PLCE1: variants seen among roughly 807,000 people sequenced by gnomAD.
PLCE1 encodes the protein 1-phosphatidylinositol 4,5-bisphosphate phosphodiesterase epsilon-1.
PLCE1 carries 119 observed loss-of-function variants against 242.8 expected under a neutral mutation model. The observed-to-expected ratio is 0.49, with a 90% confidence interval of 0.42 to 0.57. The LOEUF (loss-of-function observed/expected upper bound fraction) is 0.57. PLCE1 is among the 20% of genes least tolerant of loss of function. The probability of loss-of-function intolerance (pLI) is 0.00; values close to 1 mark genes in which losing one functional copy is unlikely to be tolerated. For missense variants in PLCE1, 2,441 were observed against 2,788.8 expected (o/e 0.88, Z 2.81); for synonymous variants, 945 against 1,017.4 (o/e 0.93, Z 1.35).
At chr10:94,037,740 A>G (rs1474159233) in intron 2 of PLCE1, among the ~76,000 whole-genome samples, 3 of 152,130 alleles carry the variant, frequency 2.0e-5, no homozygotes, top group Admixed American at 6.5e-5. Context: ...GCTTTCCCTT[A>G]TTAGCTGCAT....
intron 2 of PLCE1, among the ~76,000 whole-genome samples, chr10:94,116,449 C>A (rs999607262): frequency 6.6e-6 from 1 of 152,166 alleles, no homozygotes. Flanking sequence ...AATCCCAACA[C>A]TTTGGGAGGC....
chr10:94,132,907 G>C (rs529169883), intron 3 of PLCE1, among the ~76,000 whole-genome samples: 1 of 137,390 alleles, frequency 7.3e-6, no homozygotes, highest in Non-Finnish European at 1.5e-5. Context: ...CCGAGCTCAC[G>C]CCACTGCACT....
chr10:94,006,601 C>T (rs1270272436), intron 1 of PLCE1, among the ~76,000 whole-genome samples: 2 of 152,214 alleles, frequency 1.3e-5, no homozygotes, highest in African/African-American at 4.8e-5. Context: ...AAACATCCAA[C>T]ACTACTTGTT....
At chr10:94,050,212 G>T (rs1313724972) in intron 2 of PLCE1, among the ~76,000 whole-genome samples, 1 of 152,122 alleles carries the variant, frequency 6.6e-6, no homozygotes, top group Admixed American at 6.6e-5. Flanking sequence ...AGGTTTAATT[G>T]ACTCACAGTT....
intron 3 of PLCE1, among the ~76,000 whole-genome samples, chr10:94,139,888 G>A (rs185088343): frequency 6.6e-6 from 1 of 152,250 alleles, no homozygotes; most frequent in East Asian, 1.9e-4. Flanking sequence ...GTTTTAGATT[G>A]GTTCTGTTCT....
At chr10:94,193,144 A>G (rs2048719240) in intron 4 of PLCE1, among the ~76,000 whole-genome samples, 1 of 152,204 alleles carries the variant, frequency 6.6e-6, no homozygotes, top group Non-Finnish European at 1.5e-5. Context: ...ACTCCTGATT[A>G]AGATCTTCCA....
At chr10:94,226,743 A>G (rs527240260) in intron 4 of PLCE1, among the ~76,000 whole-genome samples, 50 of 152,070 alleles carry the variant, frequency 3.3e-4, no homozygotes, top group Non-Finnish European at 5.0e-4. Flanking sequence ...AATTTTTTCA[A>G]TCAAAGGATT....
At chr10:94,308,183 T>C (rs550683646) in intron 26 of PLCE1, among the ~76,000 whole-genome samples, 57 of 152,352 alleles carry the variant, frequency 3.7e-4, no homozygotes, top group Non-Finnish European at 5.9e-4. Context: ...ACACTTACAG[T>C]CATACCATAA....
rs987362714 is a variant in PLCE1 at position 94,292,214 on chromosome 10, T to C, written c.5036-1294T>C. ...AAAGAAAACCTTAGAAGCCCCACATTAAGCTATAATAATAACAGCTACTAT... is the reference window on the plus strand; with the variant it reads ...AAAGAAAACCTTAGAAGCCCCACATCAAGCTATAATAATAACAGCTACTAT... On this transcript the variant is annotated intron_variant, in intron 22 of 32. Transcript: ENST00000371380. Among the ~76,000 whole-genome samples, 108 of 152,174 alleles carry C rather than the reference T, an allele frequency of 7.1e-4. 1 individual carries two copies. The highest frequency in any genetic ancestry group is 6.5e-5 in the Admixed American group (1 of 15,280).
chr10:94,227,876 C>CA (rs1383464550), intron 5 of PLCE1, among the ~76,000 whole-genome samples: 1 of 152,234 alleles, frequency 6.6e-6, no homozygotes, highest in African/African-American at 2.4e-5. Flanking sequence ...CTAGCATTGA[C>CA]AATAGGCCTC....
In PLCE1 at chr10:94,269,038, T is replaced by A; in HGVS notation, c.4389+2T>A. The stretch of plus-strand genomic sequence containing the variant: ...CTGACAACCAAGATCCCCTTCAAGG[T>A]AATCCTTCATAACTTTCTTTAAATC... On this transcript the variant is annotated splice_donor_variant, in intron 17 of 32. Coordinates refer to ENST00000371380, the MANE Select transcript of PLCE1 (RefSeq NM_016341.4). LOFTEE classifies it high-confidence loss of function. 7.0e-7 allele frequency: 1 copy of A among 1,433,280 alleles called. No individual in the cohort carries two copies. The highest frequency in any genetic ancestry group is 9.8e-7 in the Non-Finnish European group (1 of 1,017,326). The allele number at this position is 1,433,280 out of a possible 1,614,324, so 88.8% of individuals were successfully genotyped here.
intron 2 of PLCE1, among the ~76,000 whole-genome samples, chr10:94,080,114 A>G (rs2044614367): frequency 2.0e-5 from 3 of 151,932 alleles, no homozygotes; most frequent in African/African-American, 7.3e-5. Flanking sequence ...ACCTTTGATG[A>G]GTTCTCTCTG....
At position 94,327,961 on chromosome 10, in the gene PLCE1, A is replaced by G. The variant is rs2054093827; in HGVS notation, c.*25-7A>G. 1.9e-6 allele frequency: 1 copy of G among 532,546 alleles called. No homozygotes were observed. The highest frequency in any genetic ancestry group is 3.9e-6 in the Non-Finnish European group (1 of 259,602). 33.0% of individuals were successfully genotyped at this position (532,546 alleles called of 1,614,324 possible). On this transcript the variant is annotated splice_polypyrimidine_tract_variant and splice_region_variant and intron_variant, in intron 32 of 32. Transcript: ENST00000371380. ...ATACTAATAAGCCTCTGTATACAACATTACAGGTGAAGATCTTTAAGCAAG... is the reference window on the plus strand; with the variant it reads ...ATACTAATAAGCCTCTGTATACAACGTTACAGGTGAAGATCTTTAAGCAAG...
chr10:94,244,279 T>C (rs1018018976), intron 7 of PLCE1, among the ~76,000 whole-genome samples: 1 of 152,180 alleles, frequency 6.6e-6, no homozygotes, highest in African/African-American at 2.4e-5. Context: ...CCCAAGTGTC[T>C]CCTGAGCATG....
intron 4 of PLCE1, among the ~76,000 whole-genome samples, chr10:94,179,505 T>C (rs1423025884): frequency 2.6e-5 from 2 of 77,964 alleles, no homozygotes; most frequent in Non-Finnish European, 5.1e-5. Flanking sequence ...ATTTTTATTT[T>C]AGTTTAGTTT....
chr10:94,003,722 A>C (rs549816073), intron 1 of PLCE1, among the ~76,000 whole-genome samples: 2 of 152,278 alleles, frequency 1.3e-5, no homozygotes, highest in East Asian at 3.9e-4. Flanking sequence ...TATGTGGGCG[A>C]GTATAAGGAG....
intron 1 of PLCE1, among the ~76,000 whole-genome samples, chr10:94,030,434 T>G (rs2061534279): frequency 6.7e-6 from 1 of 149,992 alleles, no homozygotes; most frequent in African/African-American, 2.5e-5. Flanking sequence ...AACCACTGGG[T>G]TTTTTTCTGA....
intron 1 of PLCE1, among the ~76,000 whole-genome samples, chr10:94,019,372 C>T (rs1284142983): frequency 6.6e-6 from 1 of 152,178 alleles, no homozygotes; most frequent in East Asian, 1.9e-4. Flanking sequence ...AAGTATACAT[C>T]TATATAGCCA....
intron 1 of PLCE1, among the ~76,000 whole-genome samples, chr10:94,016,737 C>T (rs929392001): frequency 6.6e-6 from 1 of 152,164 alleles, no homozygotes. Context: ...TTTTGTTTAT[C>T]AGCCCCTTTC....
Sources: gnomAD v4.1 joint callset for allele counts (sites outside exome capture counted in the v4.1 genomes callset) on GRCh38, gnomAD v4.1.1 for gene constraint, MANE v1.5 for transcripts, NCBI Gene and HGNC (gene_info 2026-07-23, HGNC 2026-07-21) for gene names.